Variants in LHFPL6 observed in about 807,000 individuals in gnomAD.
The protein encoded by LHFPL6 is LHFPL tetraspan subfamily member 6.
LHFPL6 carries 9 observed loss-of-function variants against 20.6 expected under a neutral mutation model. That is an observed-to-expected ratio of 0.44 (90% CI 0.26 to 0.76). LHFPL6 has a LOEUF of 0.76. LHFPL6 is among the 30% of genes least tolerant of loss of function. The pLI is 0.20. For missense variants in LHFPL6, 218 were observed against 253.5 expected (o/e 0.86, Z 0.95); for synonymous variants, 105 against 98.7 (o/e 1.06, Z -0.38).
chr13:39,594,927 C>T (rs544516775), intron 2 of LHFPL6, among the ~76,000 whole-genome samples: 18 of 151,992 alleles, frequency 1.2e-4, no homozygotes, highest in South Asian at 4.2e-4. Flanking sequence ...TGAGAACACA[C>T]GGACACAGGA....
intron 2 of LHFPL6, among the ~76,000 whole-genome samples, chr13:39,543,611 C>A (rs2324334): frequency 1.3e-5 from 2 of 150,090 alleles, no homozygotes; most frequent in East Asian, 3.9e-4. Context: ...ATCTGGCCCC[C>A]CGCAGACAAA....
At chr13:39,561,937 T>TA (rs1303013583) in intron 2 of LHFPL6, among the ~76,000 whole-genome samples, 5 of 152,188 alleles carry the variant, frequency 3.3e-5, no homozygotes, top group Admixed American at 2.0e-4. Context: ...TAGAGACTTT[T>TA]TAAAAAATTT....
rs1024646635 is a variant in LHFPL6, at chr13:39,512,460, G to A, written c.385+88372C>T. 2.6e-5 allele frequency among the ~76,000 whole-genome samples: 4 copies of A among 151,942 alleles called. No homozygotes were observed. In the South Asian group the frequency reaches 6.2e-4, roughly 24 times the overall value. On this transcript the variant is annotated intron_variant, in intron 2 of 3. Coordinates refer to ENST00000379589, the MANE Select transcript of LHFPL6 (RefSeq NM_005780.3). The stretch of plus-strand genomic sequence containing the variant: ...TACTAAAAATACAAAAAATTAGCCG[G>A]GCATGGTGGCGGGCCCCTGTAGTCC...
At chr13:39,356,663 T>G (rs1321955659) in intron 3 of LHFPL6, among the ~76,000 whole-genome samples, 1 of 152,092 alleles carries the variant, frequency 6.6e-6, no homozygotes, top group African/African-American at 2.4e-5. Flanking sequence ...AACAGCACAA[T>G]CAGAATTGAC....
At position 39,374,150 on chromosome 13, in the gene LHFPL6, A is replaced by G. The variant is rs576146732; in HGVS notation, c.484+4278T>C. Among the ~76,000 whole-genome samples, 7 of 152,338 alleles carry G rather than the reference A, an allele frequency of 4.6e-5. No individual in the cohort carries two copies. The South Asian group carries it at 1.4e-3, about 32-fold the overall frequency. Reference sequence around the variant, plus strand: ...TAGGTGTCCATCAATGGTGGATTGGATAAAGAAAATGTAGTATTCCACACC... The same window carrying G: ...TAGGTGTCCATCAATGGTGGATTGGGTAAAGAAAATGTAGTATTCCACACC... On this transcript the variant is annotated intron_variant, in intron 3 of 3. Coordinates refer to ENST00000379589, the MANE Select transcript of LHFPL6 (RefSeq NM_005780.3).
chr13:39,363,317 ATTTTATCCTTGTCACTTC>A (rs149364625), intron 3 of LHFPL6, among the ~76,000 whole-genome samples: 7,132 of 152,120 alleles, frequency 0.047, 282 homozygotes, highest in South Asian at 0.16. Context: ...CATCCTTTTG[ATTTTATCCTTGTCACTTC>A]TGCCACCCAG....
At chr13:39,426,987 G>T in intron 2 of LHFPL6, among the ~76,000 whole-genome samples, 1 of 149,600 alleles carries the variant, frequency 6.7e-6, no homozygotes, top group Non-Finnish European at 1.5e-5. Flanking sequence ...ACATCCAATT[G>T]TTCTAGCTTT....
intron 2 of LHFPL6, among the ~76,000 whole-genome samples, chr13:39,490,480 C>T (rs1329088882): frequency 6.6e-6 from 1 of 152,248 alleles, no homozygotes; most frequent in Non-Finnish European, 1.5e-5. Context: ...ACAGCAGTCT[C>T]TGTGTTAACT....
rs534559384 is a variant in LHFPL6, at chr13:39,600,565, A to G, written c.385+267T>C. 2.6e-5 allele frequency among the ~76,000 whole-genome samples: 4 copies of G among 152,338 alleles called. No individual in the cohort carries two copies. In the East Asian group the frequency reaches 7.7e-4, roughly 29 times the overall value. On this transcript the variant is annotated intron_variant, in intron 2 of 3. Coordinates refer to ENST00000379589, the MANE Select transcript of LHFPL6 (RefSeq NM_005780.3). ...CAAACTGTCGCCCCTACTACACCTC[A>G]AACAACCTAGATGTTACTGTTTCAC...
Position 39,528,595 on chromosome 13 carries a change from CG to C in LHFPL6, c.385+72236del, listed in dbSNP as rs536001219. 8.5e-5 allele frequency among the ~76,000 whole-genome samples: 13 copies of C among 152,324 alleles called. No homozygotes were observed. In the South Asian group the frequency reaches 2.7e-3, roughly 32 times the overall value. On this transcript the variant is annotated intron_variant, in intron 2 of 3. Transcript: ENST00000379589. ...TGCCACTTTTACAAATAAACTTCCA[CG>C]TTTCCCATCTCGCTCTATGATACTA... is the stretch of plus-strand genomic sequence containing the variant.
chr13:39,478,557 C>T (rs569426722), intron 2 of LHFPL6, among the ~76,000 whole-genome samples: 2 of 152,234 alleles, frequency 1.3e-5, no homozygotes, highest in East Asian at 3.9e-4. Context: ...GCAGATAAAA[C>T]ATTATTTCTG....
At chr13:39,516,600 T>C (rs935747161) in intron 2 of LHFPL6, among the ~76,000 whole-genome samples, 1 of 152,206 alleles carries the variant, frequency 6.6e-6, no homozygotes, top group African/African-American at 2.4e-5. Context: ...GGATGTTAAT[T>C]ACCAGACTGA....
chr13:39,424,749 T>C (rs1267875610), intron 2 of LHFPL6, among the ~76,000 whole-genome samples: 1 of 152,174 alleles, frequency 6.6e-6, no homozygotes, highest in Admixed American at 6.5e-5. Context: ...CATATCTCAT[T>C]TCTGTAATAT....
At chr13:39,526,013 C>T (rs1870275720) in intron 2 of LHFPL6, among the ~76,000 whole-genome samples, 1 of 152,170 alleles carries the variant, frequency 6.6e-6, no homozygotes, top group African/African-American at 2.4e-5. Context: ...CAAGTCCTCC[C>T]AGTTAAAATG....
At chr13:39,566,349 T>C (rs533763668) in intron 2 of LHFPL6, among the ~76,000 whole-genome samples, 3 of 152,332 alleles carry the variant, frequency 2.0e-5, no homozygotes, top group Admixed American at 2.0e-4. Context: ...GAAATATTAA[T>C]AAATCCTTAG....
intron 3 of LHFPL6, among the ~76,000 whole-genome samples, chr13:39,366,245 T>C (rs1055410018): frequency 6.6e-6 from 1 of 152,248 alleles, no homozygotes; most frequent in Admixed American, 6.5e-5. Flanking sequence ...GGAGTGTCTC[T>C]AACTACTTAT....
At chr13:39,368,712 A>G (rs1300089748) in intron 3 of LHFPL6, among the ~76,000 whole-genome samples, 4 of 152,240 alleles carry the variant, frequency 2.6e-5, no homozygotes, top group African/African-American at 9.6e-5. Flanking sequence ...GTGAGAGAAT[A>G]AAAAGAGACA....
At chr13:39,439,834 C>G (rs2138412582) in intron 2 of LHFPL6, among the ~76,000 whole-genome samples, 1 of 152,244 alleles carries the variant, frequency 6.6e-6, no homozygotes, top group East Asian at 1.9e-4. Context: ...TAAAAGCTCC[C>G]TGAGGCCTCT....
chr13:39,476,356 CAT>C (rs1363703503), intron 2 of LHFPL6, among the ~76,000 whole-genome samples: 1 of 152,104 alleles, frequency 6.6e-6, no homozygotes, highest in African/African-American at 2.4e-5. Context: ...TATTTCAGCA[CAT>C]GTTAATTAAA....
Sources: allele counts gnomAD v4.1 joint callset (sites outside exome capture counted in the v4.1 genomes callset), GRCh38; gene constraint gnomAD v4.1.1; transcripts MANE v1.5; gene names NCBI Gene and HGNC (gene_info 2026-07-23, HGNC 2026-07-21).